The following SNX29 variants were observed in gnomAD, a reference collection of about 807,000 sequenced individuals.
SNX29 encodes sorting nexin-29.
SNX29 carries 78 observed loss-of-function variants against 102.1 expected under a neutral mutation model. The observed-to-expected ratio is 0.76, with a 90% CI of 0.64 to 0.92. SNX29 has a LOEUF of 0.92. Among genes scored for constraint, SNX29 ranks in the 40% least tolerant of loss-of-function variants. SNX29 has a pLI of 0.00. For missense variants in SNX29, 1,280 were observed against 1,061.7 expected (o/e 1.21, Z -2.86); for synonymous variants, 580 against 414.5 (o/e 1.40, Z -4.85).
intron 2 of SNX29, 55 bp from the exon 3 acceptor site, chr16:12,002,936 C>G: frequency 6.2e-7 from 1 of 1,607,442 alleles, no homozygotes; most frequent in Non-Finnish European, 8.5e-7. Flanking sequence ...TGTTTTATGA[C>G]GTTTTGAGTG....
intron 16 of SNX29, among the ~76,000 whole-genome samples, chr16:12,393,047 T>C (rs1361411346): frequency 6.6e-6 from 1 of 152,176 alleles, no homozygotes; most frequent in African/African-American, 2.4e-5. Flanking sequence ...CAGTTGTCAT[T>C]TTTTGGCAGT....
At chr16:12,020,394 G>T (rs1456813736) in intron 3 of SNX29, among the ~76,000 whole-genome samples, 1 of 151,780 alleles carries the variant, frequency 6.6e-6, no homozygotes, top group Non-Finnish European at 1.5e-5. Context: ...TAGAGATGAG[G>T]TTTTGCTTTG....
chr16:12,340,817 A>T (rs16959252), intron 15 of SNX29, among the ~76,000 whole-genome samples: 5 of 151,946 alleles, frequency 3.3e-5, no homozygotes, highest in Non-Finnish European at 5.9e-5. Context: ...AAGGTCTGAG[A>T]TCCTCCAGTG....
intron 15 of SNX29, among the ~76,000 whole-genome samples, chr16:12,282,572 T>A (rs1424562105): frequency 6.6e-6 from 1 of 152,222 alleles, no homozygotes; most frequent in African/African-American, 2.4e-5. Flanking sequence ...TCAGTCATCT[T>A]GTGTAATGCG....
At chr16:12,326,650 G>A (rs1007136822) in intron 15 of SNX29, among the ~76,000 whole-genome samples, 1 of 152,184 alleles carries the variant, frequency 6.6e-6, no homozygotes, top group Non-Finnish European at 1.5e-5. Flanking sequence ...GCTGGCCCCT[G>A]TGTGGAGTCT....
At chr16:12,175,329 T>C (rs912296863) in intron 13 of SNX29, among the ~76,000 whole-genome samples, 38 of 151,992 alleles carry the variant, frequency 2.5e-4, no homozygotes, top group African/African-American at 8.5e-4. Flanking sequence ...AAGGATGTAA[T>C]TGAAGTGAAA....
At chr16:12,543,838 AAG>A (rs1209670924) in intron 20 of SNX29, among the ~76,000 whole-genome samples, 13 of 152,182 alleles carry the variant, frequency 8.5e-5, no homozygotes, top group African/African-American at 2.2e-4. Flanking sequence ...TCGTATTTGG[AAG>A]AGAGAAGCCA....
intron 11 of SNX29, among the ~76,000 whole-genome samples, chr16:12,097,054 C>T (rs926095448): frequency 3.3e-5 from 5 of 152,192 alleles, no homozygotes; most frequent in African/African-American, 7.2e-5. Flanking sequence ...TTCCAGGCTG[C>T]ACCTCTGGTT....
chr16:12,552,835 G>A (rs2078069778), intron 20 of SNX29, among the ~76,000 whole-genome samples: 1 of 152,204 alleles, frequency 6.6e-6, no homozygotes, highest in Non-Finnish European at 1.5e-5. Context: ...CACCTGACCT[G>A]CCAGAGAGGA....
At chr16:12,378,726 G>A (rs944722051) in intron 16 of SNX29, among the ~76,000 whole-genome samples, 2 of 152,150 alleles carry the variant, frequency 1.3e-5, no homozygotes, top group African/African-American at 4.8e-5. Context: ...TCAGCTTCAC[G>A]GTGACCCAGA....
At chr16:12,545,944 CTGACAACT>C (rs1026988285) in intron 20 of SNX29, among the ~76,000 whole-genome samples, 1 of 152,116 alleles carries the variant, frequency 6.6e-6, no homozygotes, top group African/African-American at 2.4e-5. Flanking sequence ...ATGTATTATC[CTGACAACT>C]AAGGGCAGGA....
At chr16:12,110,991 T>C (rs1188039786) in intron 11 of SNX29, among the ~76,000 whole-genome samples, 2 of 152,176 alleles carry the variant, frequency 1.3e-5, no homozygotes, top group South Asian at 4.2e-4. Flanking sequence ...TAATTTCTTA[T>C]TTTTTGTAAA....
intron 20 of SNX29, among the ~76,000 whole-genome samples, chr16:12,529,465 T>C (rs2076874263): frequency 6.6e-6 from 1 of 152,150 alleles, no homozygotes; most frequent in African/African-American, 2.4e-5. Context: ...CGCAAATCGG[T>C]GACAGCTTCA....
intron 20 of SNX29, chr16:12,546,474 G>C (rs1308806780): frequency 6.6e-6 from 1 of 152,134 alleles, no homozygotes; most frequent in Non-Finnish European, 1.5e-5. Flanking sequence ...CACATTCACT[G>C]TCAGAAGAAC....
intron 3 of SNX29, among the ~76,000 whole-genome samples, chr16:12,016,694 G>C (rs536110664): frequency 5.9e-5 from 9 of 152,216 alleles, no homozygotes; most frequent in Admixed American, 5.2e-4. Flanking sequence ...CTTTTCCTGT[G>C]CTTGTTGGCC....
At chr16:12,271,313 T>C (rs2079086268) in intron 14 of SNX29, among the ~76,000 whole-genome samples, 1 of 152,236 alleles carries the variant, frequency 6.6e-6, no homozygotes, top group African/African-American at 2.4e-5. Context: ...TGCCCTCATG[T>C]GGCTCATGGG....
At chr16:12,162,631 A>T (rs2055837927) in intron 13 of SNX29, among the ~76,000 whole-genome samples, 1 of 152,268 alleles carries the variant, frequency 6.6e-6, no homozygotes, top group Admixed American at 6.5e-5. Flanking sequence ...CAAAAAATAC[A>T]CAACAGGCTG....
chr16:12,539,988 C>G lies in SNX29; in HGVS notation c.2318+15147C>G, dbSNP rs570638385. Among the ~76,000 whole-genome samples the G allele has an allele frequency of 7.2e-5, 11 of 152,304 alleles. No individual in the cohort carries two copies. The East Asian group carries it at 2.1e-3, about 29-fold the overall frequency. ...GTTGCACATATTTTCTTCTAGTCTT[C>G]AGCTTCTTTTCAGTGTCTTTTGCAT... On this transcript the variant is annotated intron_variant, in intron 20 of 20. Coordinates refer to ENST00000566228, the MANE Select transcript of SNX29 (RefSeq NM_032167.5).
At chr16:12,465,272 A>C (rs1442523945) in intron 18 of SNX29, among the ~76,000 whole-genome samples, 2 of 139,270 alleles carry the variant, frequency 1.4e-5, no homozygotes, top group African/African-American at 6.2e-5. Flanking sequence ...CTTTGGTAAC[A>C]TATTCAAAAA....
Sources: allele counts gnomAD v4.1 joint callset (sites outside exome capture counted in the v4.1 genomes callset), GRCh38; gene constraint gnomAD v4.1.1; transcripts MANE v1.5; gene names NCBI Gene and HGNC (gene_info 2026-07-23, HGNC 2026-07-21).